Variants in SOCS5 observed in about 807,000 individuals in gnomAD.
SOCS5 encodes CIS-6.
A neutral mutation model predicts 42.8 loss-of-function variants in SOCS5; 32 were observed. The observed-to-expected ratio is 0.75, with a 90% confidence interval of 0.56 to 1.01. The LOEUF is 1.01. Among genes scored for constraint, SOCS5 ranks in the 50% least tolerant of loss-of-function variants. SOCS5 has a pLI of 0.00. For synonymous variants in SOCS5, 283 were observed against 229.6 expected (o/e 1.23, Z -2.10); for missense variants, 627 against 653.0 (o/e 0.96, Z 0.43).
intron 1 of SOCS5, among the ~76,000 whole-genome samples, chr2:46,741,372 G>A (rs934547216): frequency 1.3e-5 from 2 of 152,090 alleles, no homozygotes; most frequent in African/African-American, 4.8e-5. Flanking sequence ...CCAAGTAGCT[G>A]GGATTACAAG....
At chr2:46,710,827 C>T (rs1474513880) in intron 1 of SOCS5, among the ~76,000 whole-genome samples, 1 of 152,226 alleles carries the variant, frequency 6.6e-6, no homozygotes, top group African/African-American at 2.4e-5. Flanking sequence ...CCTGTGCTCT[C>T]TTCCCATTGA....
At chr2:46,746,303 C>G (rs758925175) in intron 1 of SOCS5, among the ~76,000 whole-genome samples, 3 of 152,062 alleles carry the variant, frequency 2.0e-5, no homozygotes, top group Non-Finnish European at 4.4e-5. Context: ...AGTGGTAACT[C>G]TAGAATATCT....
At chr2:46,731,375 T>C (rs1245545234) in intron 1 of SOCS5, among the ~76,000 whole-genome samples, 2 of 152,250 alleles carry the variant, frequency 1.3e-5, no homozygotes, top group Non-Finnish European at 2.9e-5. Flanking sequence ...CTGCCAGTGC[T>C]GTGATGATCT....
In SOCS5 at chr2:46,705,576, C is replaced by A. The variant is rs1451469866; in HGVS notation, c.-13+6127C>A. 3.9e-5 allele frequency among the ~76,000 whole-genome samples: 6 copies of A among 152,174 alleles called. No individual in the cohort carries two copies. In the East Asian group the frequency reaches 1.2e-3, roughly 29 times the overall value. ...AATATGCTTAACGCTAAAGGATAAA[C>A]CCACTGAATGTTAAATATAATCTGT... On this transcript the variant is annotated intron_variant, in intron 1 of 1. Coordinates refer to ENST00000394861, the MANE Select transcript of SOCS5 (RefSeq NM_144949.3).
chr2:46,727,048 G>A (rs989051545), intron 1 of SOCS5, among the ~76,000 whole-genome samples: 4 of 151,716 alleles, frequency 2.6e-5, no homozygotes, highest in Admixed American at 2.6e-4. Flanking sequence ...GAGCCATTGT[G>A]CCCAGCCTAA....
chr2:46,734,653 C>T (rs191733097), intron 1 of SOCS5, among the ~76,000 whole-genome samples: 1 of 152,008 alleles, frequency 6.6e-6, no homozygotes, highest in Non-Finnish European at 1.5e-5. Flanking sequence ...AATAATGTAC[C>T]CTTCTCTTAC....
At chr2:46,721,555 A>G (rs972758663) in intron 1 of SOCS5, among the ~76,000 whole-genome samples, 1 of 152,182 alleles carries the variant, frequency 6.6e-6, no homozygotes, top group Non-Finnish European at 1.5e-5. Context: ...TTGTCATTTA[A>G]AAGGAGCCTA....
chr2:46,759,141 A>G lies in SOCS5; in HGVS notation c.611A>G (p.Asn204Ser), dbSNP rs527424596. The change falls in exon 2 of 2, where the codon AAT (asparagine) becomes AGT (serine). Residue 204 changes from asparagine to serine, a missense_variant. This residue lies in a region of SOCS5 where 278 missense variants were observed against 246.3 expected (regional missense o/e 1.13). Coordinates refer to ENST00000394861, the MANE Select transcript of SOCS5 (RefSeq NM_144949.3). ...AAGCAGTCAAAGCCTCTCTTTTCCA[A>G]TAAAAGAAAAATCCATCTCTCTGAA... The part of the protein sequence containing the change: ...YSKQSKPLFS[N>S]KRKIHLSELM... 1.2e-5 allele frequency: 19 copies of G among 1,614,002 alleles called. No homozygotes were observed. Among genetic ancestry groups the G allele is most frequent in the Middle Eastern group, 1.7e-4 (1 of 6,056 alleles).
At chr2:46,729,790 T>C (rs1272167102) in intron 1 of SOCS5, among the ~76,000 whole-genome samples, 2 of 152,214 alleles carry the variant, frequency 1.3e-5, no homozygotes, top group African/African-American at 4.8e-5. Flanking sequence ...ATCTCTTTCT[T>C]CAATAACAAA....
intron 1 of SOCS5, among the ~76,000 whole-genome samples, chr2:46,737,801 T>C (rs898213316): frequency 2.0e-5 from 3 of 151,844 alleles, no homozygotes; most frequent in African/African-American, 7.3e-5. Flanking sequence ...TGAGCCAAGA[T>C]CAAAGCAGCA....
intron 1 of SOCS5, among the ~76,000 whole-genome samples, chr2:46,716,192 A>C (rs886237844): frequency 3.2e-5 from 4 of 123,702 alleles, no homozygotes; most frequent in African/African-American, 1.2e-4. Flanking sequence ...TTTTTTCTTC[A>C]TTGTGTTGAT....
At chr2:46,716,396 T>TTTTTTA (rs1672744922) in intron 1 of SOCS5, among the ~76,000 whole-genome samples, 2 of 109,438 alleles carry the variant, frequency 1.8e-5, no homozygotes, top group Non-Finnish European at 3.7e-5. Context: ...TTTTTTTTTT[T>TTTTTTA]GCATATAGTG....
At chr2:46,743,378 G>C (rs535025254) in intron 1 of SOCS5, among the ~76,000 whole-genome samples, 1 of 152,302 alleles carries the variant, frequency 6.6e-6, no homozygotes, top group South Asian at 2.1e-4. Flanking sequence ...TGCTAAACAA[G>C]GGGTGGATTA....
intron 1 of SOCS5, among the ~76,000 whole-genome samples, chr2:46,734,978 C>T (rs532658886): frequency 2.6e-5 from 4 of 152,238 alleles, no homozygotes; most frequent in South Asian, 4.1e-4. Context: ...CATGCCTTTG[C>T]GGTATCTGCC....
chr2:46,760,143 C>G lies in SOCS5; in HGVS notation c.*2C>G. On this transcript the variant is annotated 3_prime_UTR_variant, in exon 2 of 2. Coordinates refer to ENST00000394861, the MANE Select transcript of SOCS5 (RefSeq NM_144949.3). ...CGAGAACCAGTCAAGGCAAAGTAAACTCTCCGGTCCCCAAAGGTTGTTAAC... is the reference window on the plus strand; with the variant it reads ...CGAGAACCAGTCAAGGCAAAGTAAAGTCTCCGGTCCCCAAAGGTTGTTAAC... 1.2e-6 allele frequency: 2 copies of G among 1,607,792 alleles called. No homozygotes were observed. Among genetic ancestry groups the G allele is most frequent in the Non-Finnish European group, 1.7e-6 (2 of 1,176,582 alleles).
chr2:46,712,899 T>C (rs1175331298), intron 1 of SOCS5, among the ~76,000 whole-genome samples: 1 of 152,204 alleles, frequency 6.6e-6, no homozygotes, highest in Non-Finnish European at 1.5e-5. Context: ...AGAGTTATGC[T>C]GACTTTTTTT....
At chr2:46,719,187 A>C (rs558645436) in intron 1 of SOCS5, among the ~76,000 whole-genome samples, 1 of 152,306 alleles carries the variant, frequency 6.6e-6, no homozygotes, top group South Asian at 2.1e-4. Flanking sequence ...TGAGGGTTAT[A>C]AGAAACTGTT....
At chr2:46,735,871 C>T (rs2103734157) in intron 1 of SOCS5, among the ~76,000 whole-genome samples, 1 of 152,010 alleles carries the variant, frequency 6.6e-6, no homozygotes, top group Admixed American at 6.5e-5. Flanking sequence ...GAGGGCATGC[C>T]TCAAAATTGA....
intron 1 of SOCS5, among the ~76,000 whole-genome samples, chr2:46,717,526 GT>G (rs1034861230): frequency 6.6e-6 from 1 of 150,566 alleles, no homozygotes. Context: ...CGGGTTAACG[GT>G]TTTTTTTTCT....
Sources: gnomAD v4.1 joint callset for allele counts (sites outside exome capture counted in the v4.1 genomes callset) on GRCh38, gnomAD v4.1.1 for gene constraint, gnomAD v4.1.1 regional missense constraint, MANE v1.5 for transcripts, NCBI Gene and HGNC (gene_info 2026-07-23, HGNC 2026-07-21) for gene names.